BLTP1: variants seen among roughly 807,000 people sequenced by gnomAD.
The protein encoded by BLTP1 is bridge-like lipid transfer protein family member 1, also known as fragile site-associated protein.
the BLTP1 span, among the ~76,000 whole-genome samples, chr4:122,166,431 A>G: frequency 2.6e-5 from 4 of 152,184 alleles, no homozygotes; most frequent in South Asian, 2.1e-4. Context: ...CCATTGGTCT[A>G]TATCTCTGTT....
At chr4:122,289,064 T>C in the BLTP1 span, 1 of 1,602,240 alleles carries the variant, frequency 6.2e-7, no homozygotes, top group East Asian at 2.2e-5. Context: ...TCAGTGTTAA[T>C]CTAATATGAT....
chr4:122,237,101 A>G, the BLTP1 span: 9 of 984,270 alleles, frequency 9.1e-6, no homozygotes, highest in African/African-American at 1.7e-5. Context: ...AGTAACTAAT[A>G]TTATATTTTA....
chr4:122,213,189 C>T, the BLTP1 span, among the ~76,000 whole-genome samples: 1 of 152,082 alleles, frequency 6.6e-6, no homozygotes, highest in African/African-American at 2.4e-5. Context: ...AGCACCACCA[C>T]ACCCATCTAA....
chr4:122,173,955 T>G, the BLTP1 span, among the ~76,000 whole-genome samples: 1 of 152,192 alleles, frequency 6.6e-6, no homozygotes, highest in Non-Finnish European at 1.5e-5. Context: ...TTTAAAAATA[T>G]GTAAGTTAGA....
the BLTP1 span, chr4:122,273,135 A>G: frequency 1.3e-6 from 1 of 768,956 alleles, no homozygotes. Flanking sequence ...AACCTGACAG[A>G]TTATATTACA....
the BLTP1 span, among the ~76,000 whole-genome samples, chr4:122,281,080 A>G: frequency 6.2e-3 from 951 of 152,312 alleles, 9 homozygotes; most frequent in African/African-American, 0.022. Flanking sequence ...TACTTATTAA[A>G]GTGAGATAAA....
chr4:122,315,169 C>T, the BLTP1 span, among the ~76,000 whole-genome samples: 5 of 152,116 alleles, frequency 3.3e-5, no homozygotes, highest in Non-Finnish European at 7.3e-5. Flanking sequence ...CTAATTAATT[C>T]TGTCTAATGA....
chr4:122,349,674 T>C, the BLTP1 span: 2 of 1,578,836 alleles, frequency 1.3e-6, no homozygotes, highest in Non-Finnish European at 1.7e-6. The surrounding 1 kb of genome is among the most constrained non-coding windows in gnomAD (Gnocchi z 4.5). Flanking sequence ...TTGGACACTT[T>C]ACATGACTGT....
At chr4:122,246,976 T>C in the BLTP1 span, 1 of 896,972 alleles carries the variant, frequency 1.1e-6, no homozygotes, top group Non-Finnish European at 1.3e-6. Flanking sequence ...CATATGTCTT[T>C]AAAAAATTTT....
the BLTP1 span, chr4:122,334,447 AAGAT>A: frequency 6.2e-7 from 1 of 1,613,062 alleles, no homozygotes; most frequent in Non-Finnish European, 8.5e-7. Flanking sequence ...TATGGTATGA[AAGAT>A]AGTGCAACAT....
At chr4:122,164,294 C>A in the BLTP1 span, 1 of 623,230 alleles carries the variant, frequency 1.6e-6, no homozygotes, top group Non-Finnish European at 2.0e-6. Flanking sequence ...CCAACTACAG[C>A]ATCCTGTCCT....
the BLTP1 span, chr4:122,180,250 C>A: frequency 5.7e-6 from 5 of 876,834 alleles, no homozygotes; most frequent in Non-Finnish European, 6.8e-6. Context: ...TTTTTTTCAT[C>A]TATAAAATGA....
chr4:122,197,694 T>C, the BLTP1 span, among the ~76,000 whole-genome samples: 12 of 152,068 alleles, frequency 7.9e-5, no homozygotes, highest in African/African-American at 2.7e-4. Flanking sequence ...TATTAGTAGA[T>C]TTCGTCAGGG....
chr4:122,235,074 A>G, the BLTP1 span: 5 of 1,433,952 alleles, frequency 3.5e-6, no homozygotes, highest in South Asian at 2.6e-5. Context: ...CTTCATCACT[A>G]TGCCATTTTG....
the BLTP1 span, chr4:122,263,501 G>C: frequency 1.9e-6 from 3 of 1,612,184 alleles, no homozygotes; most frequent in African/African-American, 2.7e-5. Flanking sequence ...GCCATCATCT[G>C]TGAGTTTCTA....
the BLTP1 span, chr4:122,359,745 T>C: frequency 3.8e-6 from 6 of 1,583,370 alleles, no homozygotes; most frequent in South Asian, 2.3e-5. Flanking sequence ...TATATACATT[T>C]ACCCATATGC....
chr4:122,232,099 C>T, the BLTP1 span: 3 of 985,384 alleles, frequency 3.0e-6, no homozygotes, highest in Non-Finnish European at 3.6e-6. Flanking sequence ...ACTCGAGTTG[C>T]TCCAAGTAGC....
the BLTP1 span, among the ~76,000 whole-genome samples, chr4:122,337,988 A>G: frequency 6.6e-6 from 1 of 151,908 alleles, no homozygotes; most frequent in Non-Finnish European, 1.5e-5. Context: ...TTGATCCTCA[A>G]TTAAAATCTA....
chr4:122,303,655 A>G, the BLTP1 span, among the ~76,000 whole-genome samples: 1 of 152,214 alleles, frequency 6.6e-6, no homozygotes, highest in East Asian at 1.9e-4. Flanking sequence ...CTCATGGATT[A>G]CTTTGAGGGA....
Sources: allele counts gnomAD v4.1 joint callset (sites outside exome capture counted in the v4.1 genomes callset), GRCh38; gene constraint gnomAD v4.1.1; non-coding constraint Gnocchi (gnomAD v3.1); transcripts MANE v1.5; gene names NCBI Gene and HGNC (gene_info 2026-07-23, HGNC 2026-07-21).